Variants in XKR9 observed in about 807,000 individuals in gnomAD.
The protein encoded by XKR9 is XK-related protein 9.
A neutral mutation model predicts 32.0 loss-of-function variants in XKR9; 32 were observed. The observed-to-expected ratio is 1.00, with a 90% CI of 0.76 to 1.34. The LOEUF (loss-of-function observed/expected upper bound fraction) is 1.34. Among genes scored for constraint, XKR9 ranks in the 40% most tolerant of loss-of-function variants. The pLI, the probability that XKR9 is intolerant of heterozygous loss-of-function variation, is 0.00. For missense variants in XKR9, 546 were observed against 429.7 expected (o/e 1.27, Z -2.39); for synonymous variants, 168 against 143.4 (o/e 1.17, Z -1.22).
At chr8:70,902,127 G>T in the XKR9 span, among the ~76,000 whole-genome samples, 1 of 152,126 alleles carries the variant, frequency 6.6e-6, no homozygotes, top group Non-Finnish European at 1.5e-5. Context: ...GATTGTCTTT[G>T]CTATGTGGGC....
At chr8:70,989,623 T>A in the XKR9 span, among the ~76,000 whole-genome samples, 1 of 152,220 alleles carries the variant, frequency 6.6e-6, no homozygotes, top group Admixed American at 6.5e-5. Flanking sequence ...GCTCTGGGAT[T>A]AGATCTTCTT....
chr8:71,060,544 A>T, the XKR9 span, among the ~76,000 whole-genome samples: 1 of 152,188 alleles, frequency 6.6e-6, no homozygotes, highest in South Asian at 2.1e-4. Flanking sequence ...GCATTTACAT[A>T]TAACAGTGAA....
chr8:70,981,138 G>T, the XKR9 span, among the ~76,000 whole-genome samples: 1 of 152,096 alleles, frequency 6.6e-6, no homozygotes, highest in African/African-American at 2.4e-5. Flanking sequence ...TTTTTGCGAT[G>T]AATTTCCCAG....
At chr8:70,999,109 A>G in the XKR9 span, among the ~76,000 whole-genome samples, 2 of 152,172 alleles carry the variant, frequency 1.3e-5, no homozygotes, top group Non-Finnish European at 2.9e-5. Flanking sequence ...GAATGCCTAA[A>G]TGTTAGTGGG....
downstream of XKR9, among the ~76,000 whole-genome samples, chr8:70,739,752 T>G (rs1233859404): frequency 1.1e-4 from 17 of 152,202 alleles, no homozygotes; most frequent in African/African-American, 4.1e-4. Flanking sequence ...GATATGAAAT[T>G]CTGGGTTGAA....
rs1231829728 is a variant in XKR9 at position 70,734,029 on chromosome 8, A to G, written c.727A>G (p.Ile243Val). ...FLLLFLWLLG[I>V]IWAFKNNTQF... is the part of the protein sequence containing the mutation. The stretch of plus-strand genomic sequence containing the variant: ...GTTGTTATTTCTTTGGTTGTTAGGT[A>G]TAATATGGGCATTTAAAAACAACAC... Residue 243 changes from isoleucine (I) to valine (V), a missense_variant, in exon 5 of 5, where the codon ATA becomes GTA. Ile to Val is a conservative substitution (Grantham distance 29). Transcript: ENST00000408926. The G allele has an allele frequency of 5.6e-6, 9 of 1,613,318 alleles. No individual in the cohort carries two copies. The highest frequency in any genetic ancestry group is 1.3e-5 in the African/African-American group (1 of 74,878).
chr8:70,989,770 C>A, the XKR9 span, among the ~76,000 whole-genome samples: 15 of 152,122 alleles, frequency 9.9e-5, no homozygotes, highest in African/African-American at 3.4e-4. Flanking sequence ...CAACCCTCAC[C>A]ACTTTCAATT....
At chr8:70,924,230 A>G in the XKR9 span, among the ~76,000 whole-genome samples, 4 of 152,100 alleles carry the variant, frequency 2.6e-5, no homozygotes, top group African/African-American at 4.8e-5. Flanking sequence ...CCTTCTGATT[A>G]TCTTAGTTTA....
chr8:70,872,717 A>G, the XKR9 span, among the ~76,000 whole-genome samples: 5 of 152,114 alleles, frequency 3.3e-5, no homozygotes, highest in Admixed American at 6.5e-5. Context: ...CTGGAGTGCA[A>G]TGGTGCCATC....
intron 2 of XKR9, among the ~76,000 whole-genome samples, chr8:70,742,367 G>T (rs1374324339): frequency 6.6e-6 from 1 of 152,182 alleles, no homozygotes; most frequent in East Asian, 1.9e-4. Context: ...TGGTGTATAT[G>T]TTTGCTTGTA....
the XKR9 span, among the ~76,000 whole-genome samples, chr8:70,889,045 T>A: frequency 6.6e-6 from 1 of 152,032 alleles, no homozygotes; most frequent in Non-Finnish European, 1.5e-5. Flanking sequence ...TTTGGTAGTA[T>A]GGTAATTTTC....
Position 70,763,285 on chromosome 8 carries a change from G to A in XKR9, n.353-26054G>A, listed in dbSNP as rs561950884. ...TGATGGTTACTTTTGAAAAAATATC[G>A]TGAGGCAGTGGCCTTGCTTACTTAG... is the stretch of plus-strand genomic sequence containing the variant. On this transcript the variant is annotated intron_variant and non_coding_transcript_variant, in intron 2 of 3. Transcript: ENST00000520273. 7.0e-4 allele frequency among the ~76,000 whole-genome samples: 107 copies of A among 152,280 alleles called. 1 individual carries two copies. The South Asian group carries it at 0.019, about 27-fold the overall frequency.
At chr8:70,842,573 C>CACACACACACAT in the XKR9 span, among the ~76,000 whole-genome samples, 1 of 151,966 alleles carries the variant, frequency 6.6e-6, no homozygotes, top group Non-Finnish European at 1.5e-5. Flanking sequence ...CACACACACA[C>CACACACACACAT]ACACATTCTG....
the XKR9 span, among the ~76,000 whole-genome samples, chr8:70,986,060 C>T: frequency 6.6e-6 from 1 of 152,100 alleles, no homozygotes; most frequent in African/African-American, 2.4e-5. Context: ...AATAATAATA[C>T]TTGTCACAAT....
chr8:70,889,173 T>A, the XKR9 span, among the ~76,000 whole-genome samples: 1 of 151,878 alleles, frequency 6.6e-6, no homozygotes, highest in Non-Finnish European at 1.5e-5. Context: ...ACCTCCTTAA[T>A]TACATTTATT....
intron 3 of XKR9, among the ~76,000 whole-genome samples, chr8:70,702,167 A>T (rs537742653): frequency 5.5e-4 from 83 of 152,238 alleles, no homozygotes; most frequent in Non-Finnish European, 1.0e-3. Flanking sequence ...GTTATGTTCA[A>T]ATTTATTAGG....
the XKR9 span, among the ~76,000 whole-genome samples, chr8:70,905,318 TCTTTTTACTC>T: frequency 2.2e-4 from 33 of 152,338 alleles, no homozygotes; most frequent in African/African-American, 7.7e-4. Flanking sequence ...TTTGTTCGTT[TCTTTTTACTC>T]CTTTTTCTCT....
the XKR9 span, among the ~76,000 whole-genome samples, chr8:70,865,773 T>A: frequency 6.6e-6 from 1 of 152,224 alleles, no homozygotes; most frequent in Non-Finnish European, 1.5e-5. Flanking sequence ...ACCTGACTTG[T>A]GCTTCTGAAA....
the XKR9 span, among the ~76,000 whole-genome samples, chr8:71,058,652 C>T: frequency 6.6e-6 from 1 of 152,200 alleles, no homozygotes; most frequent in Admixed American, 6.5e-5. Context: ...AGACACTTGA[C>T]TTGGGCTATA....
Sources: gnomAD v4.1 joint callset for allele counts (sites outside exome capture counted in the v4.1 genomes callset) on GRCh38, gnomAD v4.1.1 for gene constraint, MANE v1.5 for transcripts, NCBI Gene and HGNC (gene_info 2026-07-23, HGNC 2026-07-21) for gene names.